The following MARF1 variants were observed in gnomAD, a reference collection of about 807,000 sequenced individuals.
MARF1 encodes limkain-b1.
Under a neutral mutation model 168.2 loss-of-function variants are expected in MARF1, and 24 were observed. The observed-to-expected ratio is 0.14, with a 90% confidence interval of 0.10 to 0.20. The LOEUF (loss-of-function observed/expected upper bound fraction) is 0.20. Among genes scored for constraint, MARF1 ranks in the 10% least tolerant of loss-of-function variants. The probability of loss-of-function intolerance (pLI) is 1.00; values close to 1 mark genes in which losing one functional copy is unlikely to be tolerated. For synonymous variants in MARF1, 868 were observed against 822.4 expected (o/e 1.06, Z -0.95); for missense variants, 1,744 against 2,143.6 (o/e 0.81, Z 3.68).
chr16:15,628,287 T>G (rs931415849), intron 7 of MARF1, among the ~76,000 whole-genome samples: 3 of 152,200 alleles, frequency 2.0e-5, no homozygotes, highest in Non-Finnish European at 4.4e-5. Context: ...TGGAGGGCAA[T>G]ACCAAAATAT....
At chr16:15,621,245 C>T (rs2034438874) in intron 12 of MARF1, among the ~76,000 whole-genome samples, 2 of 152,166 alleles carry the variant, frequency 1.3e-5, no homozygotes. Flanking sequence ...AAAGAAGTAT[C>T]ACATTTTACT....
chr16:15,609,673 A>G lies in MARF1; in HGVS notation c.3804T>C (p.Val1268=). Residue 1268 remains valine (V), a synonymous_variant, in exon 20 of 27, where the codon GTT becomes GTC. Coordinates refer to ENST00000396368, the MANE Select transcript of MARF1 (RefSeq NM_014647.4). The stretch of plus-strand genomic sequence containing the variant: ...AATGGGGTTGGTGACGCAGCAAATC[A>G]ACGACATCCTTGGAGAACTGTTTTG... The part of the protein sequence containing the change: ...ERTKQFSKDV[V]DLLRHQPHFR... 1 of 1,614,196 alleles carries G rather than the reference A, an allele frequency of 6.2e-7. No homozygotes were observed. The highest frequency in any genetic ancestry group is 8.5e-7 in the Non-Finnish European group (1 of 1,180,032).
At chr16:15,639,321 AT>A in intron 1 of MARF1, 30 bp from the exon 2 acceptor site, 4 of 1,425,936 alleles carry the variant, frequency 2.8e-6, no homozygotes, top group South Asian at 2.7e-5. Context: ...TTTCAGTGTT[AT>A]TTCCTTGCAT....
At position 15,639,241 on chromosome 16, in the gene MARF1, T is replaced by C. The variant is rs549103024; in HGVS notation, c.-8A>G. On this transcript the variant is annotated 5_prime_UTR_variant, in exon 2 of 27. It removes an upstream start codon present in the reference 5' UTR. Coordinates refer to ENST00000396368, the MANE Select transcript of MARF1 (RefSeq NM_014647.4). Reference sequence around the variant, plus strand: ...TCCGTTTCCTTCCATCATACAGCCATGCAAAGTGATTCAACATCCTTTCAT... The same window carrying C: ...TCCGTTTCCTTCCATCATACAGCCACGCAAAGTGATTCAACATCCTTTCAT... 3 of 1,608,538 alleles carry C rather than the reference T, an allele frequency of 1.9e-6. No homozygotes were observed. The highest frequency in any genetic ancestry group is 1.7e-4 in the Middle Eastern group (1 of 6,030).
intron 26 of MARF1, among the ~76,000 whole-genome samples, chr16:15,597,209 CTT>C (rs768269149): frequency 1.3e-5 from 2 of 152,162 alleles, no homozygotes; most frequent in African/African-American, 2.4e-5. Context: ...AAGGTTAAAA[CTT>C]TTTGTTTTTC....
At chr16:15,621,415 T>C in intron 12 of MARF1, 1 of 317,246 alleles carries the variant, frequency 3.2e-6, no homozygotes, top group South Asian at 5.5e-5. Context: ...ACCTAAGATC[T>C]CAAGGTAATA....
At chr16:15,603,724 A>C (rs1475087502) in intron 22 of MARF1, among the ~76,000 whole-genome samples, 1 of 151,770 alleles carries the variant, frequency 6.6e-6, no homozygotes, top group African/African-American at 2.4e-5. Context: ...GTATTCTCTT[A>C]AGATTCTCTC....
intron 20 of MARF1, chr16:15,608,735 C>A: frequency 3.6e-6 from 2 of 555,974 alleles, no homozygotes; most frequent in Non-Finnish European, 3.2e-6. Context: ...AAGATAGTTA[C>A]GAAGGTAAGT....
At chr16:15,601,486 A>C in intron 23 of MARF1, 2 of 219,070 alleles carry the variant, frequency 9.1e-6, no homozygotes, top group Non-Finnish European at 1.9e-5. Context: ...TCCCTAACCG[A>C]GCTCTCAGCT....
intron 20 of MARF1, 103 bp from the exon 21 acceptor site, chr16:15,608,621 G>A (rs1040076625): frequency 2.9e-5 from 22 of 752,264 alleles, no homozygotes; most frequent in African/African-American, 1.4e-4. Context: ...ACAAGTCAGC[G>A]TTACTGAATG....
chr16:15,635,094 A>G (rs2035496010), intron 3 of MARF1, 163 bp from the exon 4 acceptor site: 1 of 582,754 alleles, frequency 1.7e-6, no homozygotes, highest in African/African-American at 1.9e-5. Context: ...ACCATTAGCT[A>G]TCAGTTCATA....
At chr16:15,605,131 G>A (rs1174951679) in intron 21 of MARF1, among the ~76,000 whole-genome samples, 4 of 152,248 alleles carry the variant, frequency 2.6e-5, no homozygotes, top group African/African-American at 2.4e-5. Context: ...TGTGGGTGGC[G>A]AGGGTGAGGC....
chr16:15,637,860 TG>T (rs917600539), intron 2 of MARF1, among the ~76,000 whole-genome samples: 2 of 152,228 alleles, frequency 1.3e-5, no homozygotes, highest in Non-Finnish European at 1.5e-5. Context: ...AGAATTAAAC[TG>T]GTTTTTAAAA....
chr16:15,632,438 G>A (rs1003682256), intron 5 of MARF1, among the ~76,000 whole-genome samples: 1 of 152,112 alleles, frequency 6.6e-6, no homozygotes, highest in Admixed American at 6.5e-5. Context: ...CTACTAATAA[G>A]CAGAAAAGAG....
chr16:15,602,520 C>A (rs57367783), intron 22 of MARF1: 2 of 459,716 alleles, frequency 4.4e-6, no homozygotes, highest in South Asian at 4.1e-5. Flanking sequence ...ATGAAGAAGA[C>A]GAAGACGACG....
At chr16:15,623,254 T>C (rs1024408065) in intron 10 of MARF1, 131 bp from the exon 11 acceptor site, 2 of 523,340 alleles carry the variant, frequency 3.8e-6, no homozygotes, top group Non-Finnish European at 6.1e-6. Flanking sequence ...AAACATTTGG[T>C]TTTCAAATGT....
At position 15,625,105 on chromosome 16, in the gene MARF1, C is replaced by A. The variant is rs571335463; in HGVS notation, c.2022G>T (p.Leu674=). The A allele has an allele frequency of 1.3e-5, 21 of 1,614,174 alleles. No homozygotes were observed. In the African/African-American group the frequency reaches 2.0e-4, roughly 15 times the overall value. The change falls in exon 9 of 27, where the codon CTG becomes CTT. Residue 674 remains leucine (L), a synonymous_variant. Transcript: ENST00000396368. ...TTGAGTTACCGTGAGTGGGTACGAC[C>A]AGCCTCAGGTGACCTTGCTGGTGCT... is the stretch of plus-strand genomic sequence containing the variant. ...NSEHQQGHLR[L]VVPTHGNSSA... is the part of the protein sequence containing the mutation.
intron 16 of MARF1, among the ~76,000 whole-genome samples, chr16:15,613,716 G>A (rs887788772): frequency 1.7e-4 from 23 of 131,486 alleles, no homozygotes; most frequent in Admixed American, 3.7e-4. Context: ...AATAAAAAGT[G>A]GAGGCTTGTG....
chr16:15,597,020 A>G (rs2031780135), intron 26 of MARF1, 83 bp from the exon 27 acceptor site: 2 of 1,423,628 alleles, frequency 1.4e-6, no homozygotes, highest in Non-Finnish European at 1.9e-6. Flanking sequence ...ATATTTTCTC[A>G]AAAGATAATA....
Sources: gnomAD v4.1 joint callset for allele counts (sites outside exome capture counted in the v4.1 genomes callset) on GRCh38, gnomAD v4.1.1 for gene constraint, MANE v1.5 for transcripts, NCBI Gene and HGNC (gene_info 2026-07-23, HGNC 2026-07-21) for gene names.